Variants in WDR11 observed in about 807,000 individuals in gnomAD.
WDR11 encodes WD repeat-containing protein 11.
Under a neutral mutation model 151.2 loss-of-function variants are expected in WDR11, and 83 were observed. The ratio of observed to expected loss-of-function variants is 0.55; its 90% CI spans 0.46 to 0.66. The LOEUF is 0.66. WDR11 is among the 30% of genes least tolerant of loss of function. WDR11 has a pLI of 0.00. For missense variants in WDR11, 1,301 were observed against 1,480.9 expected, an observed-to-expected ratio of 0.88 and a Z score of 1.99; for synonymous variants, 484 against 533.1, an observed-to-expected ratio of 0.91 and a Z score of 1.27.
At chr10:120,857,726 AT>A (rs757089830) in intron 2 of WDR11, among the ~76,000 whole-genome samples, 79 of 152,158 alleles carry the variant, frequency 5.2e-4, no homozygotes, top group Non-Finnish European at 9.3e-4. Flanking sequence ...CTGTACACAT[AT>A]ATAGGTATAT....
At chr10:120,883,741 TG>T in intron 13 of WDR11, 38 bp from the exon 14 acceptor site, 1 of 1,584,718 alleles carries the variant, frequency 6.3e-7, no homozygotes, top group Non-Finnish European at 8.7e-7. Flanking sequence ...GTGAAATTTT[TG>T]CAAAAAGGGG....
chr10:120,876,929 T>C (rs1221620711), intron 11 of WDR11, among the ~76,000 whole-genome samples: 2 of 152,218 alleles, frequency 1.3e-5, no homozygotes, highest in South Asian at 2.1e-4. Flanking sequence ...ATACTTACAG[T>C]GCATGTGCTG....
At chr10:120,864,519 G>A (rs577141132) in intron 5 of WDR11, among the ~76,000 whole-genome samples, 15 of 152,218 alleles carry the variant, frequency 9.9e-5, no homozygotes, top group African/African-American at 3.6e-4. Context: ...TGCAATATAA[G>A]TGAAACTTTG....
chr10:120,893,482 CAT>C (rs1418718415), intron 19 of WDR11, among the ~76,000 whole-genome samples: 2 of 152,026 alleles, frequency 1.3e-5, no homozygotes, highest in South Asian at 2.1e-4. Flanking sequence ...CATACATGTG[CAT>C]GTGTCTTTAT....
intron 16 of WDR11, among the ~76,000 whole-genome samples, chr10:120,887,937 T>C (rs1978874): frequency 5.2e-5 from 2 of 38,542 alleles, no homozygotes; most frequent in South Asian, 2.2e-3. Context: ...TCTTTAATAT[T>C]TTTTTTTATT....
At chr10:120,895,642 A>G (rs1847587019) in intron 19 of WDR11, among the ~76,000 whole-genome samples, 1 of 152,220 alleles carries the variant, frequency 6.6e-6, no homozygotes, top group African/African-American at 2.4e-5. Context: ...CAGAGGGGCA[A>G]AACAGATAAA....
chr10:120,857,499 CAT>C (rs1352632007), intron 2 of WDR11, among the ~76,000 whole-genome samples: 1 of 151,726 alleles, frequency 6.6e-6, no homozygotes, highest in Non-Finnish European at 1.5e-5. Flanking sequence ...TGAACTTAAA[CAT>C]ATACACATAC....
rs201686484 is a variant in WDR11 at position 120,905,367 on chromosome 10, G to A, written c.3242G>A (p.Arg1081His). The A allele has an allele frequency of 3.7e-5, 59 of 1,614,130 alleles. No individual in the cohort carries two copies. The East Asian group carries it at 1.0e-3, about 28-fold the overall frequency. The change falls in exon 26 of 29, where the codon CGC becomes CAC. Residue 1081 changes from arginine (R) to histidine (H), a missense_variant. Physicochemically the swap from Arg to His is conservative, Grantham distance 29 (BLOSUM62 0). This residue lies in a region of WDR11 where 589 missense variants were observed against 670.6 expected (regional missense o/e 0.88). Transcript: ENST00000263461. Reference protein sequence around the residue: ...CLIDKAADACRYLQTYGEWNR... With the variant: ...CLIDKAADACHYLQTYGEWNR... ...ATAGATAAGGCTGCAGACGCCTGCCGCTACCTGCAGACATACGGCGAGTGG... is the reference window on the plus strand; with the variant it reads ...ATAGATAAGGCTGCAGACGCCTGCCACTACCTGCAGACATACGGCGAGTGG...
intron 20 of WDR11, among the ~76,000 whole-genome samples, chr10:120,900,499 A>G (rs552270936): frequency 4.6e-5 from 7 of 152,340 alleles, no homozygotes; most frequent in African/African-American, 1.4e-4. Flanking sequence ...CTTCAGGGAT[A>G]TACTGTGTCT....
chr10:120,873,855 T>C lies in WDR11; in HGVS notation c.1488T>C (p.Ser496=), dbSNP rs1846635239. The C allele has an allele frequency of 6.2e-7, 1 of 1,612,468 alleles. No individual in the cohort carries two copies. Among genetic ancestry groups the C allele is most frequent in the African/African-American group, 1.3e-5 (1 of 74,900 alleles). ...PLLAVGTSNG[S]VLVYHLTSGL... is the part of the protein sequence containing the mutation. ...TTTTGAAAGGTACAAGTAATGGTTC[T>C]GTCCTGGTGTACCATCTCACCAGTG... Residue 496 remains serine (S), a synonymous_variant, in exon 11 of 29, where the codon TCT becomes TCC. Transcript: ENST00000263461.
chr10:120,877,916 A>G (rs751269743), intron 11 of WDR11, among the ~76,000 whole-genome samples: 24 of 152,188 alleles, frequency 1.6e-4, no homozygotes, highest in Non-Finnish European at 3.1e-4. Flanking sequence ...TATCTTCTCT[A>G]TGCTTATAAA....
chr10:120,886,402 G>T (rs1847217637), intron 15 of WDR11, among the ~76,000 whole-genome samples: 1 of 152,138 alleles, frequency 6.6e-6, no homozygotes, highest in Non-Finnish European at 1.5e-5. Flanking sequence ...CCTCCCTTCT[G>T]TTGAGCACAG....
chr10:120,905,384 G>A lies in WDR11; in HGVS notation c.3259G>A (p.Gly1087Ser), dbSNP rs542642201. ...ADACRYLQTY[G>S]EWNRAAWLAK... ...CGCCTGCCGCTACCTGCAGACATAC[G>A]GCGAGTGGAATCGGGCTGCATGGCT... The change falls in exon 26 of 29, where the codon GGC (glycine) becomes AGC (serine). Residue 1087 changes from glycine (G) to serine (S), a missense_variant. Gly to Ser is a moderately conservative substitution (Grantham distance 56, BLOSUM62 0). This residue lies in a region of WDR11 where 589 missense variants were observed against 670.6 expected (regional missense o/e 0.88). Coordinates refer to ENST00000263461, the MANE Select transcript of WDR11 (RefSeq NM_018117.12). 1.2e-5 allele frequency: 19 copies of A among 1,614,138 alleles called. No homozygotes were observed. The highest frequency in any genetic ancestry group is 8.8e-5 in the South Asian group (8 of 91,086).
chr10:120,852,998 G>A (rs1261056106), intron 2 of WDR11, among the ~76,000 whole-genome samples: 2 of 152,168 alleles, frequency 1.3e-5, no homozygotes, highest in Non-Finnish European at 2.9e-5. Context: ...TGAGACTTGC[G>A]TAACACGCTG....
At chr10:120,869,249 T>G in intron 9 of WDR11, among the ~76,000 whole-genome samples, 1 of 151,528 alleles carries the variant, frequency 6.6e-6, no homozygotes, top group Non-Finnish European at 1.5e-5. Flanking sequence ...TAGCTGGGAC[T>G]ACAGGCGCCC....
At position 120,861,395 on chromosome 10, in the gene WDR11, C is replaced by T. The variant is rs1281122724; in HGVS notation, c.526+1113C>T. 2.0e-5 allele frequency among the ~76,000 whole-genome samples: 3 copies of T among 152,128 alleles called. No homozygotes were observed. The East Asian group carries it at 5.8e-4, about 29-fold the overall frequency. On this transcript the variant is annotated intron_variant, in intron 4 of 28. Transcript: ENST00000263461. ...GTGCATACATACACTCACTTGGTCA[C>T]CAGTTTACTTACTCACATAGGTGCA...
chr10:120,859,144 T>C (rs747456767), intron 3 of WDR11, among the ~76,000 whole-genome samples: 2 of 152,220 alleles, frequency 1.3e-5, no homozygotes, highest in African/African-American at 2.4e-5. Context: ...CATCAGTGCT[T>C]ACTCTACATT....
intron 26 of WDR11, 137 bp downstream of exon 26, chr10:120,905,553 C>G (rs1490590719): frequency 3.2e-6 from 3 of 927,244 alleles, no homozygotes; most frequent in Admixed American, 4.0e-5. Flanking sequence ...AACCTTTATC[C>G]TTTTCCTATT....
Position 120,905,773 on chromosome 10 carries a change from A to C in WDR11, c.3292-103A>C, listed in dbSNP as rs1652726. On this transcript the variant is annotated intron_variant, in intron 26 of 28. Transcript: ENST00000263461. ...GGGCAGTGTGCTAGTCAAGCAGAGC[A>C]TAGCCTGTATTTCATAGAAACAGAT... 1,600,466 of 1,602,460 alleles carry C rather than the reference A, an allele frequency of 1. 799,257 individuals carry two copies. Among genetic ancestry groups the C allele is most frequent in the East Asian group, 1 (44,717 of 44,718 alleles).
Sources: gnomAD v4.1 joint callset for allele counts (sites outside exome capture counted in the v4.1 genomes callset) on GRCh38, gnomAD v4.1.1 for gene constraint, gnomAD v4.1.1 regional missense constraint, MANE v1.5 for transcripts, NCBI Gene and HGNC (gene_info 2026-07-23, HGNC 2026-07-21) for gene names.